KYNU: variants seen among roughly 807,000 people sequenced by gnomAD.
KYNU encodes the protein kynureninase.
KYNU carries 54 observed loss-of-function variants against 59.2 expected under a neutral mutation model. The observed-to-expected ratio is 0.91, with a 90% CI of 0.73 to 1.14. KYNU has a LOEUF of 1.14. Among genes scored for constraint, KYNU ranks in the 50% most tolerant of loss-of-function variants. The pLI, the probability that KYNU is intolerant of heterozygous loss-of-function variation, is 0.00. For missense variants in KYNU, 567 were observed against 554.4 expected (o/e 1.02, Z -0.23); for synonymous variants, 177 against 192.0 (o/e 0.92, Z 0.65).
At chr2:143,008,605 AT>A (rs1228571839) in intron 10 of KYNU, among the ~76,000 whole-genome samples, 2 of 58,544 alleles carry the variant, frequency 3.4e-5, no homozygotes, top group South Asian at 7.6e-4. Flanking sequence ...CAGAATATAC[AT>A]TTTTTTCAGC....
intron 10 of KYNU, among the ~76,000 whole-genome samples, chr2:143,013,298 C>CTGTGTGTGTGTGTGTGTGTGTGTGTGTG (rs71301735): frequency 1.3e-4 from 19 of 149,572 alleles, no homozygotes; most frequent in African/African-American, 4.4e-4. Flanking sequence ...GTCTCTTTCT[C>CTGTGTGTGTGTGTGTGTGTGTGTGTGTG]TGTGTGTGTG....
chr2:143,005,692 A>G (rs1371544528), intron 10 of KYNU, among the ~76,000 whole-genome samples: 2 of 152,060 alleles, frequency 1.3e-5, no homozygotes, highest in East Asian at 3.9e-4. Flanking sequence ...ACCAAAGAGA[A>G]AAAACCTGGA....
intron 2 of KYNU, 25 bp from the exon 3 acceptor site, chr2:142,918,584 T>C (rs568346550): frequency 2.0e-6 from 3 of 1,510,364 alleles, no homozygotes; most frequent in Non-Finnish European, 2.7e-6. Context: ...TTTTTTTTTT[T>C]TTTTTGACAT....
chr2:142,942,791 T>A (rs1229838278), intron 4 of KYNU, among the ~76,000 whole-genome samples: 1 of 152,232 alleles, frequency 6.6e-6, no homozygotes, highest in African/African-American at 2.4e-5. Flanking sequence ...TATTTTGGCA[T>A]GCTTCTGGAG....
intron 2 of KYNU, 97 bp downstream of exon 2, chr2:142,885,633 A>G (rs1037676212): frequency 2.7e-6 from 3 of 1,093,822 alleles, no homozygotes; most frequent in South Asian, 1.4e-5. Flanking sequence ...GTTGTATTAC[A>G]TAATAGAGCT....
At chr2:142,966,189 TA>T (rs1314419470) in intron 8 of KYNU, among the ~76,000 whole-genome samples, 1 of 152,194 alleles carries the variant, frequency 6.6e-6, no homozygotes, top group Non-Finnish European at 1.5e-5. Flanking sequence ...CTTGATGTGT[TA>T]GGTAGAATAG....
chr2:143,019,865 C>G (rs1408825198), intron 10 of KYNU, among the ~76,000 whole-genome samples: 1 of 151,836 alleles, frequency 6.6e-6, no homozygotes, highest in Non-Finnish European at 1.5e-5. Flanking sequence ...CCTGGTAGAT[C>G]ATGTGCATCC....
chr2:143,034,891 T>C (rs1023088903), intron 12 of KYNU, among the ~76,000 whole-genome samples: 2 of 152,186 alleles, frequency 1.3e-5, no homozygotes, highest in African/African-American at 4.8e-5. Flanking sequence ...CTGGTGCCCA[T>C]ATCTTTGCAA....
At chr2:142,970,853 G>C (rs1684698689) in intron 8 of KYNU, among the ~76,000 whole-genome samples, 1 of 152,128 alleles carries the variant, frequency 6.6e-6, no homozygotes, top group Non-Finnish European at 1.5e-5. Context: ...GCCAAAAGTT[G>C]TATATATTCC....
chr2:143,003,457 C>T (rs1164384458), intron 10 of KYNU, among the ~76,000 whole-genome samples: 2 of 152,032 alleles, frequency 1.3e-5, no homozygotes, highest in African/African-American at 2.4e-5. Flanking sequence ...GTGGCGGGCA[C>T]CTATAATCCC....
intron 2 of KYNU, among the ~76,000 whole-genome samples, chr2:142,903,132 G>A (rs1398977452): frequency 2.0e-5 from 3 of 152,058 alleles, no homozygotes; most frequent in African/African-American, 2.4e-5. Flanking sequence ...GGATTGCAGG[G>A]GCTATTGCAT....
At chr2:142,947,082 A>G (rs1683812898) in intron 4 of KYNU, 7 of 1,550,818 alleles carry the variant, frequency 4.5e-6, no homozygotes, top group African/African-American at 1.4e-5. Flanking sequence ...AATGTCAAAC[A>G]ATATGTCCTT....
rs543693180 is a variant in KYNU at position 143,045,970 on chromosome 2, G to A, written c.*3798G>A. On this transcript the variant is annotated 3_prime_UTR_variant, in exon 14 of 14. Coordinates refer to ENST00000264170, the MANE Select transcript of KYNU (RefSeq NM_003937.3). ...TATTAATTAGATGTTTGAGTGAGGGGAAATATTGGAAGGTGCTCATAAGTT... is the reference window on the plus strand; with the variant it reads ...TATTAATTAGATGTTTGAGTGAGGGAAAATATTGGAAGGTGCTCATAAGTT... 2.1e-4 allele frequency: 32 copies of A among 152,220 alleles called. No individual in the cohort carries two copies. The highest frequency in any genetic ancestry group is 7.5e-4 in the African/African-American group (31 of 41,542). The allele number at this position is 152,220 out of a possible 1,614,324, so 9.4% of individuals were successfully genotyped here.
At chr2:142,955,464 AT>A (rs1319996564) in intron 5 of KYNU, among the ~76,000 whole-genome samples, 1 of 152,086 alleles carries the variant, frequency 6.6e-6, no homozygotes, top group Non-Finnish European at 1.5e-5. Context: ...TTTTTCAAGT[AT>A]GTTTTGGAAA....
At chr2:143,004,130 T>C (rs1685796008) in intron 10 of KYNU, among the ~76,000 whole-genome samples, 1 of 152,330 alleles carries the variant, frequency 6.6e-6, no homozygotes, top group Non-Finnish European at 1.5e-5. Flanking sequence ...TCCTTCCCCA[T>C]GCATTAATTT....
At chr2:142,899,065 G>A (rs1681981292) in intron 2 of KYNU, among the ~76,000 whole-genome samples, 1 of 152,180 alleles carries the variant, frequency 6.6e-6, no homozygotes, top group Non-Finnish European at 1.5e-5. Flanking sequence ...GTGGACCCGG[G>A]TGGGAGTCAA....
At chr2:142,987,185 G>A (rs1480947281) in intron 10 of KYNU, among the ~76,000 whole-genome samples, 2 of 151,852 alleles carry the variant, frequency 1.3e-5, no homozygotes, top group Non-Finnish European at 2.9e-5. Flanking sequence ...CAGTATGTAA[G>A]ATATTGCTTG....
intron 13 of KYNU, among the ~76,000 whole-genome samples, chr2:143,041,074 A>G (rs1330281632): frequency 6.6e-6 from 1 of 152,084 alleles, no homozygotes; most frequent in Non-Finnish European, 1.5e-5. Context: ...GCTTGATCAA[A>G]TTAAGTTATT....
chr2:142,996,599 A>G (rs1178095673), intron 10 of KYNU, among the ~76,000 whole-genome samples: 1 of 151,942 alleles, frequency 6.6e-6, no homozygotes, highest in Non-Finnish European at 1.5e-5. Flanking sequence ...AACTGGAGAA[A>G]TCCCCTAACT....
Sources: allele counts gnomAD v4.1 joint callset (sites outside exome capture counted in the v4.1 genomes callset), GRCh38; gene constraint gnomAD v4.1.1; transcripts MANE v1.5; gene names NCBI Gene and HGNC (gene_info 2026-07-23, HGNC 2026-07-21).